PIEZO2: variants seen among roughly 807,000 people sequenced by gnomAD.
The protein encoded by PIEZO2 is piezo-type mechanosensitive ion channel component 2.
In PIEZO2, 172 loss-of-function variants were observed where a neutral mutation model predicts 337.3. The ratio of observed to expected loss-of-function variants is 0.51; its 90% CI spans 0.45 to 0.58. The LOEUF is 0.58. Ranked by LOEUF, PIEZO2 falls within the 20% of genes least tolerant of loss-of-function variation. The pLI is 0.00. For missense variants in PIEZO2, 3,028 were observed against 3,391.3 expected (o/e 0.89, Z 2.66); for synonymous variants, 1,251 against 1,228.5 (o/e 1.02, Z -0.38).
chr18:10,989,185 T>A (rs937461992), intron 2 of PIEZO2, among the ~76,000 whole-genome samples: 1 of 152,042 alleles, frequency 6.6e-6, no homozygotes, highest in Non-Finnish European at 1.5e-5. Flanking sequence ...AATGATTTCA[T>A]GGGTGTCTAT....
chr18:10,874,455 C>T (rs2042220209), intron 4 of PIEZO2, among the ~76,000 whole-genome samples: 1 of 152,136 alleles, frequency 6.6e-6, no homozygotes, highest in African/African-American at 2.4e-5. Context: ...AGCAATCCCA[C>T]TGCTAGGTAT....
intron 4 of PIEZO2, chr18:10,908,874 G>C (rs1003634928): frequency 6.6e-6 from 1 of 152,106 alleles, no homozygotes; most frequent in Non-Finnish European, 1.5e-5. Context: ...GGGATGCTGC[G>C]TGGCTGACTG....
At chr18:10,702,315 T>C in intron 42 of PIEZO2, 144 bp from the exon 43 acceptor site, 2 of 727,570 alleles carry the variant, frequency 2.7e-6, no homozygotes, top group Non-Finnish European at 4.3e-6. Context: ...TTATGTGGAA[T>C]AGTAACATTA....
intron 1 of PIEZO2, among the ~76,000 whole-genome samples, chr18:11,134,212 G>A (rs1341504506): frequency 5.3e-5 from 8 of 152,182 alleles, no homozygotes; most frequent in Non-Finnish European, 1.0e-4. Context: ...GCAGGATGCT[G>A]TGTGACTTAC....
At chr18:10,763,611 G>A (rs1249474111) in intron 21 of PIEZO2, among the ~76,000 whole-genome samples, 2 of 152,216 alleles carry the variant, frequency 1.3e-5, no homozygotes, top group East Asian at 1.9e-4. Flanking sequence ...GGCTGGAGAT[G>A]CAGCTACAGC....
chr18:11,051,998 C>T (rs183221377), intron 2 of PIEZO2, among the ~76,000 whole-genome samples: 265 of 152,266 alleles, frequency 1.7e-3, no homozygotes, highest in African/African-American at 6.0e-3. Flanking sequence ...TTCAATTTTT[C>T]AATAGGAGAA....
Position 10,830,833 on chromosome 18 carries a change from GA to G in PIEZO2, c.918-23560del, listed in dbSNP as rs1296414206. On this transcript the variant is annotated intron_variant, in intron 7 of 55. Transcript: ENST00000674853. The surrounding 1 kb of genome is among the most constrained non-coding windows in gnomAD (Gnocchi z 4.7). The stretch of plus-strand genomic sequence containing the variant: ...ATAAGGAGTTCAAACAATTCAATAG[GA>G]AAAAAAATCTAATAATCTGGTTAAA... Among the ~76,000 whole-genome samples, 5 of 151,974 alleles carry G rather than the reference GA, an allele frequency of 3.3e-5. No homozygotes were observed. The highest frequency in any genetic ancestry group is 1.3e-4 in the Admixed American group (2 of 15,262).
rs556223673 is a variant in PIEZO2, at chr18:11,026,469, T to C, written c.160+39658A>G. ...CTCCTCAGCACCACCTACACCCTCTTCTCATCCACGTCTCCACCACCTGTA... is the reference window on the plus strand; with the variant it reads ...CTCCTCAGCACCACCTACACCCTCTCCTCATCCACGTCTCCACCACCTGTA... On this transcript the variant is annotated intron_variant, in intron 2 of 55. Transcript: ENST00000674853. Among the ~76,000 whole-genome samples the C allele has an allele frequency of 2.2e-4, 34 of 152,224 alleles. No homozygotes were observed. The East Asian group carries it at 5.6e-3, about 25-fold the overall frequency.
chr18:10,692,080 C>G (rs1427097451), intron 47 of PIEZO2, among the ~76,000 whole-genome samples: 14 of 151,994 alleles, frequency 9.2e-5, no homozygotes, highest in Non-Finnish European at 2.9e-5. Flanking sequence ...ATTTCCTCAA[C>G]AGTACAGATG....
intron 43 of PIEZO2, chr18:10,701,734 G>C (rs923548308): frequency 1.4e-5 from 5 of 359,194 alleles, no homozygotes; most frequent in Middle Eastern, 1.4e-3. Context: ...GGAAACATGG[G>C]GAAACATTCT....
intron 2 of PIEZO2, among the ~76,000 whole-genome samples, chr18:10,981,486 T>C (rs1270648880): frequency 6.6e-6 from 1 of 152,240 alleles, no homozygotes; most frequent in South Asian, 2.1e-4. Flanking sequence ...TTTGATCTTC[T>C]ACCTAAGTGA....
intron 2 of PIEZO2, among the ~76,000 whole-genome samples, chr18:11,044,255 CAAAT>C (rs1223491422): frequency 6.6e-5 from 10 of 150,676 alleles, no homozygotes; most frequent in Middle Eastern, 3.5e-3. Context: ...TGTATTATAA[CAAAT>C]AAAGTCTTTT....
intron 49 of PIEZO2, among the ~76,000 whole-genome samples, chr18:10,688,176 G>A (rs902949331): frequency 7.9e-5 from 12 of 151,928 alleles, no homozygotes; most frequent in Non-Finnish European, 1.6e-4. Context: ...CCCCTGACAG[G>A]CCCTGGTGTG....
At chr18:10,960,734 G>A (rs189784366) in intron 3 of PIEZO2, among the ~76,000 whole-genome samples, 8 of 152,196 alleles carry the variant, frequency 5.3e-5, no homozygotes, top group African/African-American at 1.9e-4. Flanking sequence ...ACGAGCGTTG[G>A]CTAAACCTCC....
At chr18:11,076,042 T>TC (rs1223134694) in intron 1 of PIEZO2, among the ~76,000 whole-genome samples, 1 of 152,120 alleles carries the variant, frequency 6.6e-6, no homozygotes, top group Admixed American at 6.5e-5. Flanking sequence ...CACCTCGGCC[T>TC]CCCAAAGTGC....
intron 2 of PIEZO2, among the ~76,000 whole-genome samples, chr18:11,053,484 C>A (rs762336230): frequency 4.6e-5 from 7 of 152,156 alleles, no homozygotes; most frequent in Non-Finnish European, 8.8e-5. Flanking sequence ...GACAGGGTTT[C>A]GCAACATTGC....
In PIEZO2 at chr18:10,795,346, ATTTTATTATTTTATT is replaced by A. The variant is rs1285315550; in HGVS notation, c.1528-359_1528-345del. Among the ~76,000 whole-genome samples, 9 of 21,500 alleles carry A rather than the reference ATTTTATTATTTTATT, an allele frequency of 4.2e-4. No individual in the cohort carries two copies. The highest frequency in any genetic ancestry group is 5.9e-4 in the Admixed American group (1 of 1,696). The allele number at this position is 21,500 out of a possible 152,430, so 14.1% of individuals were successfully genotyped here. On this transcript the variant is annotated intron_variant, in intron 12 of 55. Transcript: ENST00000674853. This position sits in a 1 kb window ranked among gnomAD's most constrained non-coding sequence, Gnocchi z 4.4. Reference sequence around the variant, plus strand: ...ATTTTATTTTATTTTATTTTATTTTATTTTATTATTTTATTTTATTTTATTTTATTTTATTTTATT... The same window carrying A: ...ATTTTATTTTATTTTATTTTATTTTATTATTTTATTTTATTTTATTTTATT...
chr18:10,967,704 G>A (rs558076326), intron 3 of PIEZO2, among the ~76,000 whole-genome samples: 28 of 152,136 alleles, frequency 1.8e-4, no homozygotes, highest in East Asian at 3.9e-4. Context: ...CATGTTGAGC[G>A]TTTTTTCATA....
intron 7 of PIEZO2, among the ~76,000 whole-genome samples, chr18:10,843,362 A>G (rs2041252716): frequency 6.6e-6 from 1 of 151,982 alleles, no homozygotes; most frequent in South Asian, 2.1e-4. Flanking sequence ...TAATTGTTTT[A>G]TTTCAGAATG....
Sources: gnomAD v4.1 joint callset for allele counts (sites outside exome capture counted in the v4.1 genomes callset) on GRCh38, gnomAD v4.1.1 for gene constraint, Gnocchi (gnomAD v3.1) non-coding constraint, MANE v1.5 for transcripts, NCBI Gene and HGNC (gene_info 2026-07-23, HGNC 2026-07-21) for gene names.